The following BRCA1 variants were observed in gnomAD, a reference collection of about 807,000 sequenced individuals.
BRCA1 encodes the protein BRCA1 DNA repair associated.
Under a neutral mutation model 173.7 loss-of-function variants are expected in BRCA1, and 140 were observed. The observed-to-expected ratio is 0.81, with a 90% confidence interval of 0.70 to 0.93. The LOEUF is 0.93. Ranked by LOEUF, BRCA1 falls within the 40% of genes least tolerant of loss-of-function variation. The pLI is 0.00. For synonymous variants in BRCA1, 662 were observed against 756.0 expected, an observed-to-expected ratio of 0.88 and a Z score of 2.04; for missense variants, 1,983 against 2,172.5, an observed-to-expected ratio of 0.91 and a Z score of 1.73.
At chr17:43,108,111 G>A (rs1256666515) in intron 3 of BRCA1, among the ~76,000 whole-genome samples, 1 of 152,086 alleles carries the variant, frequency 6.6e-6, no homozygotes, top group Non-Finnish European at 1.5e-5. Flanking sequence ...TGCGGGGTGG[G>A]TGAATCACTT....
chr17:43,159,086 AACAC>A (rs544789525), intron 1 of BRCA1, among the ~76,000 whole-genome samples: 1 of 151,260 alleles, frequency 6.6e-6, no homozygotes, highest in African/African-American at 2.4e-5. Flanking sequence ...CACACACACA[AACAC>A]ACACACACAA....
At chr17:43,137,432 TTA>T (rs1491293091) in intron 1 of BRCA1, among the ~76,000 whole-genome samples, 82 of 139,120 alleles carry the variant, frequency 5.9e-4, no homozygotes, top group African/African-American at 2.5e-3. Flanking sequence ...ATAATAATAA[TTA>T]AAAAAAAAAA....
chr17:43,168,258 G>T, intron 1 of BRCA1: 2 of 411,354 alleles, frequency 4.9e-6, no homozygotes, highest in South Asian at 1.8e-5. Flanking sequence ...ATCTCTTTCT[G>T]TTCCAATGAA....
At chr17:43,115,075 G>A (rs182490553) in intron 3 of BRCA1, among the ~76,000 whole-genome samples, 1 of 152,304 alleles carries the variant, frequency 6.6e-6, no homozygotes, top group East Asian at 1.9e-4. Flanking sequence ...ATAAGGATAT[G>A]CAGAAATGAA....
chr17:43,130,247 T>C (rs1236045749), upstream of BRCA1, among the ~76,000 whole-genome samples: 1 of 152,080 alleles, frequency 6.6e-6, no homozygotes, highest in Non-Finnish European at 1.5e-5. Context: ...AACTCCTAGG[T>C]TCACGATCCT....
chr17:43,080,240 G>A (rs572345927), intron 12 of BRCA1, among the ~76,000 whole-genome samples: 1 of 152,170 alleles, frequency 6.6e-6, no homozygotes, highest in East Asian at 1.9e-4. Flanking sequence ...CATTGTACAG[G>A]GTATTGTGAA....
At chr17:43,103,975 C>T (rs1448606656) in intron 6 of BRCA1, 147 bp downstream of exon 6, 42 of 983,484 alleles carry the variant, frequency 4.3e-5, no homozygotes, top group South Asian at 5.8e-5. Context: ...GGCATGGTGG[C>T]GCGTGCCTGT....
At chr17:43,163,692 T>C (rs1431315067) in intron 1 of BRCA1, 1 of 152,234 alleles carries the variant, frequency 6.6e-6, no homozygotes, top group Admixed American at 6.5e-5. Flanking sequence ...GAGTGCCCAG[T>C]AAAGGTCCAC....
chr17:43,123,397 C>A (rs2055680643), intron 2 of BRCA1, among the ~76,000 whole-genome samples: 1 of 129,820 alleles, frequency 7.7e-6, no homozygotes, highest in African/African-American at 3.2e-5. Flanking sequence ...AGCTCTGTCG[C>A]TGGAGTTCAG....
At chr17:43,144,292 A>G in intron 1 of BRCA1, 1 of 287,364 alleles carries the variant, frequency 3.5e-6, no homozygotes, top group Non-Finnish European at 7.0e-6. Context: ...GTCTGAATGA[A>G]CATTCATGCA....
chr17:43,163,094 A>ACC (rs545046957), intron 1 of BRCA1: 138 of 152,280 alleles, frequency 9.1e-4, no homozygotes, highest in African/African-American at 3.3e-3. Flanking sequence ...CATTAAAGTT[A>ACC]CCACAGCATG....
At chr17:43,100,663 T>TATAAC in intron 6 of BRCA1, among the ~76,000 whole-genome samples, 1 of 19,104 alleles carries the variant, frequency 5.2e-5, no homozygotes, top group East Asian at 1.6e-3. Context: ...ATAACATATA[T>TATAAC]ATATATATAT....
intron 2 of BRCA1, among the ~76,000 whole-genome samples, chr17:43,121,683 CAAAAAAAAAAAAA>C (rs71160013): frequency 6.1e-5 from 2 of 32,898 alleles, no homozygotes; most frequent in African/African-American, 1.4e-4. Flanking sequence ...AAGTCTGTCT[CAAAAAAAAAAAAA>C]AAAAAAAAAA....
intron 2 of BRCA1, among the ~76,000 whole-genome samples, chr17:43,117,508 A>T (rs1320526904): frequency 1.3e-5 from 2 of 152,164 alleles, no homozygotes; most frequent in African/African-American, 2.4e-5. Flanking sequence ...TGGGAGGCCG[A>T]GGCGGGCGGA....
chr17:43,087,923 G>T (rs1001056252), intron 11 of BRCA1, among the ~76,000 whole-genome samples: 2 of 151,542 alleles, frequency 1.3e-5, no homozygotes, highest in Non-Finnish European at 2.9e-5. Context: ...CCAGACAGGG[G>T]TTGCCCAGAA....
chr17:43,139,281 G>T (rs2056055873), intron 1 of BRCA1, among the ~76,000 whole-genome samples: 2 of 134,850 alleles, frequency 1.5e-5, no homozygotes, highest in African/African-American at 5.6e-5. Flanking sequence ...GTGAACGTTT[G>T]TTATATAGCT....
chr17:43,105,142 C>T (rs2054707516), intron 4 of BRCA1, among the ~76,000 whole-genome samples, 186 bp from the exon 5 acceptor site: 1 of 152,184 alleles, frequency 6.6e-6, no homozygotes, highest in Admixed American at 6.6e-5. Context: ...AACTTTTTGT[C>T]ATTCATTTAA....
intron 12 of BRCA1, among the ~76,000 whole-genome samples, chr17:43,077,686 G>A (rs1479999166): frequency 6.6e-6 from 1 of 151,766 alleles, no homozygotes; most frequent in African/African-American, 2.4e-5. Flanking sequence ...TTGTGCCACT[G>A]CCTTCTAGGA....
chr17:43,170,181 A>G (rs2056318941), exon 1 of BRCA1: 1 of 195,928 alleles, frequency 5.1e-6, no homozygotes, highest in Admixed American at 5.7e-5. Context: ...GAAGGACCGA[A>G]CACCTTGGCG....
Sources: gnomAD v4.1 joint callset for allele counts (sites outside exome capture counted in the v4.1 genomes callset) on GRCh38, gnomAD v4.1.1 for gene constraint, MANE v1.5 for transcripts, NCBI Gene and HGNC (gene_info 2026-07-23, HGNC 2026-07-21) for gene names.